The following TASP1 variants were observed in gnomAD, a reference collection of about 807,000 sequenced individuals.
TASP1 encodes the protein threonine aspartase 1.
In TASP1, 16 loss-of-function variants were observed where a neutral mutation model predicts 56.6. The observed-to-expected ratio is 0.28, with a 90% CI of 0.19 to 0.43. The LOEUF (loss-of-function observed/expected upper bound fraction) is 0.43, where lower values mean the gene tolerates loss of function less well. Among genes scored for constraint, TASP1 ranks in the 20% least tolerant of loss-of-function variants. The pLI is 1.00. For missense variants in TASP1, 393 were observed against 511.6 expected, an observed-to-expected ratio of 0.77 and a Z score of 2.24; for synonymous variants, 179 against 184.2, an observed-to-expected ratio of 0.97 and a Z score of 0.23.
intron 8 of TASP1, among the ~76,000 whole-genome samples, chr20:13,535,354 C>A (rs1020191489): frequency 3.3e-5 from 5 of 152,154 alleles, no homozygotes; most frequent in African/African-American, 1.2e-4. Context: ...GAGTGTGCCA[C>A]AACAAAATTT....
chr20:13,368,001 G>A, the TASP1 span, among the ~76,000 whole-genome samples: 1 of 152,154 alleles, frequency 6.6e-6, no homozygotes, highest in Non-Finnish European at 1.5e-5. Flanking sequence ...CAATACATAA[G>A]CAAGCAGACT....
intron 8 of TASP1, among the ~76,000 whole-genome samples, chr20:13,543,659 AC>A (rs1252284189): frequency 6.6e-6 from 1 of 152,040 alleles, no homozygotes; most frequent in East Asian, 1.9e-4. Flanking sequence ...GCGCCTTTCA[AC>A]CTCTAATACA....
the TASP1 span, among the ~76,000 whole-genome samples, chr20:13,233,971 A>G: frequency 6.6e-6 from 1 of 152,190 alleles, no homozygotes; most frequent in African/African-American, 2.4e-5. Context: ...CATTTTAAAA[A>G]TGTTTACTTA....
chr20:13,247,599 A>G, the TASP1 span, among the ~76,000 whole-genome samples: 2 of 151,016 alleles, frequency 1.3e-5, no homozygotes, highest in Admixed American at 6.6e-5. Context: ...AGACTTTAGC[A>G]TGAGGGATGA....
At chr20:13,311,055 A>G in the TASP1 span, among the ~76,000 whole-genome samples, 5 of 152,218 alleles carry the variant, frequency 3.3e-5, no homozygotes, top group African/African-American at 7.2e-5. Context: ...TTAGCTGGGC[A>G]TGGTGGCGGG....
At chr20:13,233,885 A>G in the TASP1 span, among the ~76,000 whole-genome samples, 1 of 152,204 alleles carries the variant, frequency 6.6e-6, no homozygotes, top group African/African-American at 2.4e-5. Flanking sequence ...ACAGACCACC[A>G]GTATTAGCAT....
intron 9 of TASP1, among the ~76,000 whole-genome samples, chr20:13,528,869 A>C (rs115619683): frequency 0.017 from 2,562 of 151,922 alleles, 69 homozygotes; most frequent in African/African-American, 0.057. Flanking sequence ...GTAGTTTTCA[A>C]ACTAGGTGTG....
At chr20:13,191,328 T>G in the TASP1 span, among the ~76,000 whole-genome samples, 18 of 152,262 alleles carry the variant, frequency 1.2e-4, no homozygotes, top group East Asian at 3.3e-3. Context: ...AGCAAAACTA[T>G]GAAACAAACT....
the TASP1 span, among the ~76,000 whole-genome samples, chr20:13,258,586 C>T: frequency 6.6e-6 from 1 of 152,074 alleles, no homozygotes; most frequent in Non-Finnish European, 1.5e-5. Context: ...TTGAACATCT[C>T]CCCCTTCATG....
intron 4 of TASP1, among the ~76,000 whole-genome samples, chr20:13,603,648 T>G (rs2048042739): frequency 6.6e-6 from 1 of 152,248 alleles, no homozygotes; most frequent in Non-Finnish European, 1.5e-5. Context: ...AGAATTTATT[T>G]TTAAAAATCC....
the TASP1 span, among the ~76,000 whole-genome samples, chr20:13,148,894 C>G: frequency 6.6e-6 from 1 of 152,190 alleles, no homozygotes; most frequent in Non-Finnish European, 1.5e-5. Flanking sequence ...TTTCAACGAC[C>G]TACTAAATGC....
chr20:13,465,373 G>A (rs936782649), intron 11 of TASP1, among the ~76,000 whole-genome samples: 7 of 151,794 alleles, frequency 4.6e-5, no homozygotes, highest in African/African-American at 2.4e-5. Context: ...TGAATCACTC[G>A]TACCTTGCTA....
At chr20:13,221,691 C>A in the TASP1 span, 1 of 1,175,886 alleles carries the variant, frequency 8.5e-7, no homozygotes, top group Non-Finnish European at 1.1e-6. Context: ...CTGCCGGGCT[C>A]CCGGGCTCCT....
chr20:13,318,849 T>C, the TASP1 span, among the ~76,000 whole-genome samples: 1 of 152,174 alleles, frequency 6.6e-6, no homozygotes, highest in African/African-American at 2.4e-5. Flanking sequence ...AGGAAAAAGA[T>C]CAATGGTTGC....
chr20:13,166,308 T>A, the TASP1 span: 20 of 152,754 alleles, frequency 1.3e-4, 1 homozygote, highest in Admixed American at 1.1e-3. Flanking sequence ...TGGAGCAGTG[T>A]GCCCTGATGC....
At chr20:13,160,927 C>T in the TASP1 span, among the ~76,000 whole-genome samples, 3 of 152,130 alleles carry the variant, frequency 2.0e-5, no homozygotes, top group East Asian at 3.8e-4. Context: ...TTTAATAAAG[C>T]TTATCGAGCA....
At chr20:13,134,797 C>A in the TASP1 span, among the ~76,000 whole-genome samples, 3 of 152,074 alleles carry the variant, frequency 2.0e-5, no homozygotes, top group East Asian at 5.8e-4. Flanking sequence ...GAAGAGCAGG[C>A]AGAAGAATAA....
At chr20:13,478,638 A>G (rs1477816040) in intron 11 of TASP1, among the ~76,000 whole-genome samples, 2 of 152,118 alleles carry the variant, frequency 1.3e-5, no homozygotes, top group African/African-American at 2.4e-5. Flanking sequence ...TATTCAGGTG[A>G]TGGTTACACT....
the TASP1 span, among the ~76,000 whole-genome samples, chr20:13,247,537 TGTG>T: frequency 6.6e-6 from 1 of 151,484 alleles, no homozygotes; most frequent in African/African-American, 2.4e-5. Flanking sequence ...TGTGTGTGTG[TGTG>T]TGTGTGTGTG....
Sources: gnomAD v4.1 joint callset for allele counts (sites outside exome capture counted in the v4.1 genomes callset) on GRCh38, gnomAD v4.1.1 for gene constraint, MANE v1.5 for transcripts, NCBI Gene and HGNC (gene_info 2026-07-23, HGNC 2026-07-21) for gene names.